The following HIC2 variants were observed in gnomAD, a reference collection of about 807,000 sequenced individuals.
HIC2 encodes the protein hypermethylated in cancer 2 protein.
Under a neutral mutation model 39.5 loss-of-function variants are expected in HIC2, and 2 were observed. That is an observed-to-expected ratio of 0.05 (90% CI 0.02 to 0.16). HIC2 has a LOEUF of 0.16. Among genes scored for constraint, HIC2 ranks in the 10% least tolerant of loss-of-function variants. The pLI is 1.00. For missense variants in HIC2, 713 were observed against 863.5 expected (o/e 0.83, Z 2.18); for synonymous variants, 399 against 368.8 (o/e 1.08, Z -0.94).
Position 21,445,953 on chromosome 22 carries a change from G to A in HIC2, c.1058G>A (p.Arg353Lys), listed in dbSNP as rs1923796573. The A allele has an allele frequency of 1.3e-6, 2 of 1,568,230 alleles. No homozygotes were observed. Among genetic ancestry groups the A allele is most frequent in the Non-Finnish European group, 1.7e-6 (2 of 1,160,530 alleles). Residue 353 changes from arginine (R) to lysine (K), a missense_variant, in exon 3 of 3, where the codon AGA becomes AAA. Physicochemically the swap from Arg to Lys is conservative, Grantham distance 26 (BLOSUM62 2). Coordinates refer to ENST00000407464, the MANE Select transcript of HIC2 (RefSeq NM_015094.3). ...EPVAGSPFER[R>K]EAGPKGPCPG... ...GTGGCTGGCTCCCCCTTTGAGCGGA[G>A]AGAAGCAGGGCCCAAGGGTCCCTGC...
intron 1 of HIC2, among the ~76,000 whole-genome samples, chr22:21,432,731 T>C (rs1264406028): frequency 2.9e-5 from 4 of 140,320 alleles, no homozygotes; most frequent in Non-Finnish European, 4.6e-5. Flanking sequence ...AAAAACATTA[T>C]CAGGTTTTTA....
At chr22:21,418,226 G>T (rs1922966326) in intron 1 of HIC2, among the ~76,000 whole-genome samples, 1 of 113,402 alleles carries the variant, frequency 8.8e-6, no homozygotes, top group African/African-American at 3.2e-5. Flanking sequence ...GGAGGGGGTC[G>T]GCTTTCAGGG....
rs953796443 is a variant in HIC2 at position 21,445,968 on chromosome 22, A to G, written c.1073A>G (p.Lys358Arg). The change falls in exon 3 of 3, where the codon AAG (lysine) becomes AGG (arginine). Residue 358 changes from lysine to arginine, a missense_variant. Transcript: ENST00000407464. ...TTTGAGCGGAGAGAAGCAGGGCCCA[A>G]GGGTCCCTGCCCGGGAGAGGAGGGT... ...SPFERREAGP[K>R]GPCPGEEGEG... The G allele has an allele frequency of 3.8e-6, 6 of 1,562,488 alleles. No individual in the cohort carries two copies. In the Admixed American group the frequency reaches 1.0e-4, roughly 26 times the overall value.
rs182093599 is a variant in HIC2 at position 21,443,928 on chromosome 22, A to G, written c.27-994A>G. ...CATTTCCCTCCTCCCCCCGGCGTCT[A>G]TCTGGTGCCCACTGTGCACCCATTT... On this transcript the variant is annotated intron_variant, in intron 2 of 2. Transcript: ENST00000407464. Among the ~76,000 whole-genome samples, 793 of 152,176 alleles carry G rather than the reference A, an allele frequency of 5.2e-3. 3 individuals are homozygous for G. Among genetic ancestry groups the G allele is most frequent in the Non-Finnish European group, 8.1e-3 (548 of 67,966 alleles).
In HIC2 at chr22:21,447,224, C is replaced by A; in HGVS notation, c.*481C>A. ...ACAGGTGCTGGGGGTGCAGATCCCT[C>A]CCTCCTTGAGCCAGGGTGGCACTGT... On this transcript the variant is annotated 3_prime_UTR_variant, in exon 3 of 3. Coordinates refer to ENST00000407464, the MANE Select transcript of HIC2 (RefSeq NM_015094.3). 6.0e-6 allele frequency: 1 copy of A among 166,562 alleles called. No individual in the cohort carries two copies. The highest frequency in any genetic ancestry group is 1.3e-5 in the Non-Finnish European group (1 of 76,058). The allele number at this position is 166,562 out of a possible 1,614,324, so 10.3% of individuals were successfully genotyped here. A position where few individuals can be genotyped will look rare whatever the true frequency, so the allele number is the denominator to read the frequency against.
Position 21,446,086 on chromosome 22 carries a change from G to C in HIC2, c.1191G>C (p.Glu397Asp). 1 of 1,607,994 alleles carries C rather than the reference G, an allele frequency of 6.2e-7. No homozygotes were observed. The change falls in exon 3 of 3, where the codon GAG becomes GAC. Residue 397 changes from glutamate to aspartate, a missense_variant. Physicochemically the swap from Glu to Asp is conservative, Grantham distance 45. Coordinates refer to ENST00000407464, the MANE Select transcript of HIC2 (RefSeq NM_015094.3). ...PYGEPPYPCK[E>D]EEENGKDASE... ...GGGAGCCCCCCTACCCCTGCAAGGA[G>C]GAGGAGGAGAACGGCAAGGATGCAA...
At chr22:21,444,884 C>A in intron 2 of HIC2, 38 bp from the exon 3 acceptor site, 1 of 1,579,408 alleles carries the variant, frequency 6.3e-7, no homozygotes. Flanking sequence ...CCGAGTGTGC[C>A]AGTCATCTGA....
chr22:21,425,542 CTT>C (rs1207096707), intron 1 of HIC2, among the ~76,000 whole-genome samples: 1 of 60,626 alleles, frequency 1.6e-5, no homozygotes, highest in Non-Finnish European at 4.2e-5. Context: ...TTAATTTTTT[CTT>C]TTTTTTTTTT....
At chr22:21,417,841 G>C (rs1338646014) in intron 1 of HIC2, among the ~76,000 whole-genome samples, 1 of 145,390 alleles carries the variant, frequency 6.9e-6, no homozygotes, top group Admixed American at 6.8e-5. Context: ...AGGCGGCGCG[G>C]GTCTGCGGAG....
Position 21,446,523 on chromosome 22 carries a change from C to T in HIC2, c.1628C>T (p.Thr543Met). The T allele has an allele frequency of 6.2e-7, 1 of 1,612,910 alleles. No individual in the cohort carries two copies. The change falls in exon 3 of 3, where the codon ACG becomes ATG. Residue 543 changes from threonine to methionine, a missense_variant. Around this residue, in one of 5 missense-constraint regions of HIC2, gnomAD observed 40 missense variants for 124.4 expected, o/e 0.32. Coordinates refer to ENST00000407464, the MANE Select transcript of HIC2 (RefSeq NM_015094.3). ...FPCNICGKMF[T>M]QRGTMTRHMR... Reference sequence around the variant, plus strand: ...TGCAACATCTGTGGCAAAATGTTCACGCAGCGCGGCACCATGACGCGTCAC... The same window carrying T: ...TGCAACATCTGTGGCAAAATGTTCATGCAGCGCGGCACCATGACGCGTCAC...
chr22:21,447,077 A>G lies in HIC2; in HGVS notation c.*334A>G. On this transcript the variant is annotated 3_prime_UTR_variant, in exon 3 of 3. Coordinates refer to ENST00000407464, the MANE Select transcript of HIC2 (RefSeq NM_015094.3). ...GTTGCAGGCGGCTTGGAGAAAGGGC[A>G]GTGGGACGCTGGCCACGGCCAGGGT... 3.2e-6 allele frequency: 1 copy of G among 314,562 alleles called. No individual in the cohort carries two copies. The highest frequency in any genetic ancestry group is 5.2e-5 in the South Asian group (1 of 19,094). The allele number at this position is 314,562 out of a possible 1,614,324, so 19.5% of individuals were successfully genotyped here.
intron 1 of HIC2, among the ~76,000 whole-genome samples, chr22:21,426,468 A>G (rs1387967393): frequency 6.7e-6 from 1 of 149,176 alleles, no homozygotes; most frequent in Non-Finnish European, 1.5e-5. Context: ...CAGCCTACAT[A>G]GCAACTTTGT....
chr22:21,450,143 G>C lies in HIC2; in HGVS notation c.*3400G>C, dbSNP rs1048795390. ...ATGAATGTATTTATTTCTCAGACTT[G>C]GGGCGAGTGAGCGGGTGGCAGGCCG... On this transcript the variant is annotated 3_prime_UTR_variant, in exon 3 of 3. Transcript: ENST00000407464. 5 of 152,754 alleles carry C rather than the reference G, an allele frequency of 3.3e-5. No homozygotes were observed. The highest frequency in any genetic ancestry group is 1.2e-4 in the African/African-American group (5 of 41,456). 9.5% of individuals were successfully genotyped at this position (152,754 alleles called of 1,614,324 possible). A position where few individuals can be genotyped will look rare whatever the true frequency, so the allele number is the denominator to read the frequency against.
chr22:21,444,120 G>A (rs1463187859), intron 2 of HIC2, among the ~76,000 whole-genome samples: 1 of 152,234 alleles, frequency 6.6e-6, no homozygotes, highest in Non-Finnish European at 1.5e-5. Flanking sequence ...GACCAGCGGC[G>A]TCAGTGTGCT....
intron 1 of HIC2, among the ~76,000 whole-genome samples, chr22:21,432,623 C>T (rs1923356776): frequency 7.6e-6 from 1 of 131,956 alleles, no homozygotes; most frequent in Non-Finnish European, 1.6e-5. Context: ...TTGCGGTGAG[C>T]CGAGATTGCA....
rs1408023046 is a variant in HIC2 at position 21,448,577 on chromosome 22, C to G, written c.*1834C>G. ...TTTTCATTCTATTTTAAGTTTAGAC[C>G]AAAAAAATACAGAGTCATCCCCTAC... On this transcript the variant is annotated 3_prime_UTR_variant, in exon 3 of 3. Transcript: ENST00000407464. The G allele has an allele frequency of 6.6e-6, 1 of 152,336 alleles. No homozygotes were observed. Among genetic ancestry groups the G allele is most frequent in the Non-Finnish European group, 1.5e-5 (1 of 67,936 alleles). 9.4% of individuals were successfully genotyped at this position (152,336 alleles called of 1,614,324 possible). A position where few individuals can be genotyped will look rare whatever the true frequency, so the allele number is the denominator to read the frequency against.
At chr22:21,443,104 G>A (rs1253788817) in intron 2 of HIC2, among the ~76,000 whole-genome samples, 1 of 152,222 alleles carries the variant, frequency 6.6e-6, no homozygotes, top group South Asian at 2.1e-4. Flanking sequence ...GGTTACTGGG[G>A]CCAAGTGTGG....
rs1218980629 is a variant in HIC2, at chr22:21,445,575, TG to T, written c.686del (p.Gly229AlafsTer45). ...TGCCCAGCTGGCGGGGAGGCGGGTC[TG>T]GGGGGCTGCAGCAGCAGCACCAACG... ...AVCPAGGEAG[L>X]GGCSSSTNGS... On this transcript the variant is annotated frameshift_variant, in exon 3 of 3. Coordinates refer to ENST00000407464, the MANE Select transcript of HIC2 (RefSeq NM_015094.3). LOFTEE classifies it high-confidence loss of function. 1.3e-6 allele frequency: 2 copies of T among 1,590,176 alleles called. No individual in the cohort carries two copies. The highest frequency in any genetic ancestry group is 2.2e-5 in the East Asian group (1 of 44,662).
intron 1 of HIC2, among the ~76,000 whole-genome samples, chr22:21,431,060 TC>T (rs1475456326): frequency 3.5e-5 from 1 of 28,644 alleles, no homozygotes; most frequent in Non-Finnish European, 5.5e-5. Flanking sequence ...CATGCACTTC[TC>T]CCTGGCTTAT....
Sources: allele counts gnomAD v4.1 joint callset (sites outside exome capture counted in the v4.1 genomes callset), GRCh38; gene constraint gnomAD v4.1.1; regional missense constraint gnomAD v4.1.1; transcripts MANE v1.5; gene names NCBI Gene and HGNC (gene_info 2026-07-23, HGNC 2026-07-21).